TMEM120B: variants seen among roughly 807,000 people sequenced by gnomAD.
TMEM120B encodes the protein transmembrane protein 120B.
TMEM120B carries 31 observed loss-of-function variants against 55.5 expected under a neutral mutation model. That is an observed-to-expected ratio of 0.56 (90% CI 0.42 to 0.75). The LOEUF (loss-of-function observed/expected upper bound fraction) is 0.75, where lower values mean the gene tolerates loss of function less well. TMEM120B is among the 30% of genes least tolerant of loss of function. The pLI is 0.00. For missense variants in TMEM120B, 399 were observed against 425.5 expected, an observed-to-expected ratio of 0.94 and a Z score of 0.55; for synonymous variants, 203 against 176.3, an observed-to-expected ratio of 1.15 and a Z score of -1.20.
At chr12:121,737,601 T>C (rs1872789526) in intron 1 of TMEM120B, among the ~76,000 whole-genome samples, 1 of 152,182 alleles carries the variant, frequency 6.6e-6, no homozygotes, top group Admixed American at 6.5e-5. Context: ...CTCTGCCATT[T>C]GCATCATGTG....
chr12:121,773,665 GT>G, intron 9 of TMEM120B, 152 bp downstream of exon 9: 1 of 606,868 alleles, frequency 1.6e-6, no homozygotes, highest in Non-Finnish European at 2.7e-6. Context: ...CCTGGATTCT[GT>G]TTCAGCTGCC....
Position 121,752,023 on chromosome 12 carries a change from A to G in TMEM120B, c.366-105A>G, listed in dbSNP as rs535167314. Reference sequence around the variant, plus strand: ...TGGAATGGGAAGGTCCTTATGGGCCATGGCAGTGGCTGAAGGACAAGGGTC... The same window carrying G: ...TGGAATGGGAAGGTCCTTATGGGCCGTGGCAGTGGCTGAAGGACAAGGGTC... On this transcript the variant is annotated intron_variant, in intron 4 of 11. Coordinates refer to ENST00000449592, the MANE Select transcript of TMEM120B (RefSeq NM_001080825.2). 27 of 906,230 alleles carry G rather than the reference A, an allele frequency of 3.0e-5. No individual in the cohort carries two copies. The African/African-American group carries it at 3.9e-4, about 13-fold the overall frequency. 56.1% of individuals were successfully genotyped at this position (906,230 alleles called of 1,614,324 possible).
intron 1 of TMEM120B, among the ~76,000 whole-genome samples, chr12:121,741,075 T>C (rs573502796): frequency 6.6e-6 from 1 of 152,238 alleles, no homozygotes; most frequent in South Asian, 2.1e-4. Flanking sequence ...CACGAAAGAT[T>C]CTTGTGATTT....
At chr12:121,754,337 T>TC (rs2137232364) in intron 5 of TMEM120B, among the ~76,000 whole-genome samples, 1 of 152,354 alleles carries the variant, frequency 6.6e-6, no homozygotes, top group South Asian at 2.1e-4. Flanking sequence ...ACCCTTGCTG[T>TC]CCTGAGGCCC....
intron 5 of TMEM120B, among the ~76,000 whole-genome samples, chr12:121,755,357 T>C (rs556481626): frequency 6.6e-6 from 1 of 152,324 alleles, no homozygotes; most frequent in Non-Finnish European, 1.5e-5. Flanking sequence ...CTCCAGGACA[T>C]CTACTCCACC....
intron 6 of TMEM120B, 74 bp downstream of exon 6, chr12:121,761,812 G>C: frequency 8.4e-7 from 1 of 1,192,128 alleles, no homozygotes; most frequent in Non-Finnish European, 1.2e-6. Flanking sequence ...GTCAGATGGG[G>C]GCCGACACCC....
rs34719836 is a variant in TMEM120B at position 121,779,653 on chromosome 12, C to T, written c.*3931C>T. The T allele has an allele frequency of 5.4e-3, 8,668 of 1,613,870 alleles. 122 individuals are homozygous for T. Among genetic ancestry groups the T allele is most frequent in the South Asian group, 0.029 (2,608 of 91,082 alleles). ...AGAGCAGCTCGGATCTGTTCGCAGG[C>T]GCTCAGGCCCTGGGTGGGGGGAGGA... On this transcript the variant is annotated 3_prime_UTR_variant, in exon 12 of 12. Transcript: ENST00000449592.
At chr12:121,754,791 A>G (rs938349266) in intron 5 of TMEM120B, among the ~76,000 whole-genome samples, 6 of 152,136 alleles carry the variant, frequency 3.9e-5, no homozygotes, top group Admixed American at 3.9e-4. Context: ...TGAATTTTGG[A>G]AGGATGCTAT....
At chr12:121,740,136 C>G (rs555558615) in intron 1 of TMEM120B, among the ~76,000 whole-genome samples, 9 of 152,126 alleles carry the variant, frequency 5.9e-5, no homozygotes, top group Non-Finnish European at 1.2e-4. Context: ...ATAACAGATA[C>G]AGTTGATTAA....
intron 4 of TMEM120B, among the ~76,000 whole-genome samples, chr12:121,751,776 C>CT (rs1873338764): frequency 6.6e-6 from 1 of 151,960 alleles, no homozygotes; most frequent in Non-Finnish European, 1.5e-5. Context: ...GATGGGCAGT[C>CT]CAGTCTACTC....
At chr12:121,746,843 A>C (rs1185656235) in intron 2 of TMEM120B, among the ~76,000 whole-genome samples, 1 of 152,010 alleles carries the variant, frequency 6.6e-6, no homozygotes, top group Non-Finnish European at 1.5e-5. Flanking sequence ...CTGTAATCCC[A>C]GCTACTTGGG....
At chr12:121,733,569 TC>T (rs1453759069) in intron 1 of TMEM120B, among the ~76,000 whole-genome samples, 1 of 147,240 alleles carries the variant, frequency 6.8e-6, no homozygotes, top group African/African-American at 2.5e-5. Context: ...AGACAGAGTC[TC>T]ACTCTGTTGC....
intron 5 of TMEM120B, among the ~76,000 whole-genome samples, chr12:121,754,334 C>T (rs1345562816): frequency 6.6e-6 from 1 of 152,270 alleles, no homozygotes; most frequent in Non-Finnish European, 1.5e-5. Context: ...CAAACCCTTG[C>T]TGTCCTGAGG....
chr12:121,773,732 C>G (rs895203543), intron 9 of TMEM120B, among the ~76,000 whole-genome samples: 1 of 151,240 alleles, frequency 6.6e-6, no homozygotes. Flanking sequence ...GTCTCAGCCT[C>G]TGGAAGTGTC....
intron 1 of TMEM120B, among the ~76,000 whole-genome samples, chr12:121,717,332 A>G (rs1237863234): frequency 6.6e-6 from 1 of 152,232 alleles, no homozygotes; most frequent in African/African-American, 2.4e-5. Context: ...CTTGAAGGCC[A>G]TGGTAAAGAT....
intron 1 of TMEM120B, among the ~76,000 whole-genome samples, chr12:121,735,195 A>AC (rs1223111858): frequency 6.6e-6 from 1 of 150,798 alleles, no homozygotes; most frequent in African/African-American, 2.4e-5. Flanking sequence ...CAAAAAAAAA[A>AC]AAAAACAAAA....
At chr12:121,716,162 G>T (rs1241121702) in intron 1 of TMEM120B, among the ~76,000 whole-genome samples, 4 of 151,342 alleles carry the variant, frequency 2.6e-5, no homozygotes, top group Non-Finnish European at 5.9e-5. Context: ...AAAAAAAATT[G>T]CTGGGTGTGG....
chr12:121,781,237 T>C lies in TMEM120B; in HGVS notation c.*5515T>C, dbSNP rs1238983441. The C allele has an allele frequency of 6.4e-7, 1 of 1,560,354 alleles. No homozygotes were observed. Among genetic ancestry groups the C allele is most frequent in the Non-Finnish European group, 8.8e-7 (1 of 1,133,292 alleles). ...GGGGTCAGGGGACGTCCCCTCCCTGTCTGGACTCTGACGGGTGAAGGGGAA... is the reference window on the plus strand; with the variant it reads ...GGGGTCAGGGGACGTCCCCTCCCTGCCTGGACTCTGACGGGTGAAGGGGAA... On this transcript the variant is annotated 3_prime_UTR_variant, in exon 12 of 12. Coordinates refer to ENST00000449592, the MANE Select transcript of TMEM120B (RefSeq NM_001080825.2).
chr12:121,774,933 G>A, intron 10 of TMEM120B, 129 bp from the exon 11 acceptor site: 2 of 1,144,576 alleles, frequency 1.7e-6, no homozygotes, highest in Non-Finnish European at 2.6e-6. Flanking sequence ...ATTTCATTTT[G>A]GGGGTGTCTG....
Sources: allele counts gnomAD v4.1 joint callset (sites outside exome capture counted in the v4.1 genomes callset), GRCh38; gene constraint gnomAD v4.1.1; transcripts MANE v1.5; gene names NCBI Gene and HGNC (gene_info 2026-07-23, HGNC 2026-07-21).